VIPR2: variants seen among roughly 807,000 people sequenced by gnomAD.
The protein encoded by VIPR2 is vasoactive intestinal peptide receptor 2.
In VIPR2, 48 loss-of-function variants were observed where a neutral mutation model predicts 58.0. The ratio of observed to expected loss-of-function variants is 0.83; its 90% CI spans 0.66 to 1.05. The LOEUF (loss-of-function observed/expected upper bound fraction) is 1.05. Ranked by LOEUF, VIPR2 falls within the 50% of genes least tolerant of loss-of-function variation. VIPR2 has a pLI of 0.00. For synonymous variants in VIPR2, 243 were observed against 235.2 expected (o/e 1.03, Z -0.30); for missense variants, 534 against 558.0 (o/e 0.96, Z 0.43).
rs953614698 is a variant in VIPR2, at chr7:159,043,292, G to T, written c.456-116C>A. 5.4e-6 allele frequency: 5 copies of T among 931,934 alleles called. No individual in the cohort carries two copies. The Admixed American group carries it at 1.8e-4, about 33-fold the overall frequency. 57.7% of individuals were successfully genotyped at this position (931,934 alleles called of 1,614,324 possible). On this transcript the variant is annotated intron_variant, in intron 5 of 12. Coordinates refer to ENST00000262178, the MANE Select transcript of VIPR2 (RefSeq NM_003382.5). ...ATCAGAGAAGCACAGAAAAATAAAAGAGTTGAGGGCATGAAGCAGATTTCA... is the reference window on the plus strand; with the variant it reads ...ATCAGAGAAGCACAGAAAAATAAAATAGTTGAGGGCATGAAGCAGATTTCA...
intron 2 of VIPR2, among the ~76,000 whole-genome samples, chr7:159,137,478 G>A (rs2129498004): frequency 6.6e-6 from 1 of 152,312 alleles, no homozygotes; most frequent in African/African-American, 2.4e-5. Flanking sequence ...CTGGGCTCAA[G>A]CAATCCTCCT....
intron 4 of VIPR2, among the ~76,000 whole-genome samples, chr7:159,060,573 A>G (rs536012432): frequency 2.0e-5 from 3 of 146,934 alleles, no homozygotes; most frequent in African/African-American, 7.6e-5. Flanking sequence ...CCACCTAACC[A>G]CTTTACTCAC....
rs1853447307 is a variant in VIPR2 at position 159,030,141 on chromosome 7, C to G, written c.*475G>C. On this transcript the variant is annotated 3_prime_UTR_variant, in exon 13 of 13. Coordinates refer to ENST00000262178, the MANE Select transcript of VIPR2 (RefSeq NM_003382.5). ...CGGGCCCATCACGAGGTCAGGAGAT[C>G]GAGACCATCCTGGCTAACATGGTGA... 6.5e-6 allele frequency: 1 copy of G among 153,998 alleles called. No individual in the cohort carries two copies. The highest frequency in any genetic ancestry group is 6.5e-5 in the Admixed American group (1 of 15,322). The allele number at this position is 153,998 out of a possible 1,614,324, so 9.5% of individuals were successfully genotyped here. A position where few individuals can be genotyped will look rare whatever the true frequency, so the allele number is the denominator to read the frequency against.
chr7:159,117,040 A>G (rs1486156067), intron 2 of VIPR2: 13 of 442,034 alleles, frequency 2.9e-5, no homozygotes, highest in Admixed American at 3.8e-5. Flanking sequence ...TGACTTTTAC[A>G]TATACTCCAT....
intron 5 of VIPR2, 98 bp from the exon 6 acceptor site, chr7:159,043,274 A>G: frequency 9.2e-7 from 1 of 1,089,866 alleles, no homozygotes; most frequent in Non-Finnish European, 1.2e-6. Flanking sequence ...ATGATCAGAG[A>G]AGCACAGAAA....
intron 5 of VIPR2, among the ~76,000 whole-genome samples, chr7:159,050,845 C>T (rs934295130): frequency 2.2e-4 from 34 of 152,050 alleles, no homozygotes; most frequent in African/African-American, 7.5e-4. Flanking sequence ...AGTGTAACTG[C>T]TAAAAACTGA....
At chr7:159,132,924 CAGACAGAATGATTGGCATACA>C (rs1797020591) in intron 2 of VIPR2, among the ~76,000 whole-genome samples, 165 of 25,782 alleles carry the variant, frequency 6.4e-3, no homozygotes, top group Middle Eastern at 0.019. Context: ...AGATTGATTT[CAGACAGAATGATTGGCATACA>C]GATTGATTTC....
chr7:159,144,606 C>T, intron 1 of VIPR2, 115 bp downstream of exon 1: 3 of 1,377,008 alleles, frequency 2.2e-6, no homozygotes, highest in Non-Finnish European at 2.8e-6. Context: ...CTCCCGGACC[C>T]CGCCCGCGCT....
At chr7:159,055,524 TG>T (rs1477748635) in intron 5 of VIPR2, among the ~76,000 whole-genome samples, 1 of 152,172 alleles carries the variant, frequency 6.6e-6, no homozygotes, top group African/African-American at 2.4e-5. Flanking sequence ...CAAAGCTGTG[TG>T]GCCACTGCGC....
intron 4 of VIPR2, among the ~76,000 whole-genome samples, chr7:159,087,433 C>T (rs1161138137): frequency 9.2e-6 from 1 of 108,128 alleles, no homozygotes; most frequent in Non-Finnish European, 1.9e-5. Flanking sequence ...TAGTGAGATA[C>T]GGCTTCCCCA....
chr7:159,082,382 G>T (rs113771837), intron 4 of VIPR2, among the ~76,000 whole-genome samples: 1 of 151,936 alleles, frequency 6.6e-6, no homozygotes, highest in African/African-American at 2.4e-5. Flanking sequence ...ACCAAACACC[G>T]CATGTTCTCA....
At chr7:159,112,264 A>C (rs1796043815) in intron 2 of VIPR2, among the ~76,000 whole-genome samples, 1 of 152,202 alleles carries the variant, frequency 6.6e-6, no homozygotes, top group African/African-American at 2.4e-5. Context: ...ACCGCACGTG[A>C]GGGAGCAGAG....
rs1355078186 is a variant in VIPR2, at chr7:159,031,686, G to C, written c.1143+142C>G. The C allele has an allele frequency of 2.6e-6, 4 of 1,512,104 alleles. No individual in the cohort carries two copies. The highest frequency in any genetic ancestry group is 3.5e-6 in the Non-Finnish European group (4 of 1,136,212). The allele number at this position is 1,512,104 out of a possible 1,614,324, so 93.7% of individuals were successfully genotyped here. On this transcript the variant is annotated intron_variant, in intron 12 of 12. Coordinates refer to ENST00000262178, the MANE Select transcript of VIPR2 (RefSeq NM_003382.5). The surrounding 1 kb of genome is among the most constrained non-coding windows in gnomAD (Gnocchi z 4.0). The stretch of plus-strand genomic sequence containing the variant: ...CTGTGTCGTTGTGGGTTCTCTGATG[G>C]GGACACAGAACTGTGGGGTCCCGGG...
intron 6 of VIPR2, among the ~76,000 whole-genome samples, chr7:159,040,118 A>C (rs1854231992): frequency 6.6e-6 from 1 of 152,222 alleles, no homozygotes; most frequent in Admixed American, 6.5e-5. Context: ...AAACAAGCAC[A>C]CTGAGGAAGG....
intron 6 of VIPR2, among the ~76,000 whole-genome samples, chr7:159,037,545 G>A (rs1234790895): frequency 6.6e-6 from 1 of 152,146 alleles, no homozygotes; most frequent in Admixed American, 6.5e-5. Context: ...TGACAACTAT[G>A]TAAGTTCCTC....
intron 4 of VIPR2, among the ~76,000 whole-genome samples, chr7:159,059,623 G>A (rs1855517193): frequency 6.6e-6 from 1 of 152,036 alleles, no homozygotes; most frequent in Admixed American, 6.6e-5. Context: ...GCTTACTTAG[G>A]ACAGCTCAGA....
chr7:159,110,967 A>C (rs1282342840), intron 2 of VIPR2, among the ~76,000 whole-genome samples: 1 of 152,248 alleles, frequency 6.6e-6, no homozygotes, highest in Non-Finnish European at 1.5e-5. Flanking sequence ...TACTTGAATA[A>C]GTACATAAAT....
intron 4 of VIPR2, among the ~76,000 whole-genome samples, chr7:159,085,383 C>T (rs1426794517): frequency 6.6e-6 from 1 of 152,182 alleles, no homozygotes; most frequent in Non-Finnish European, 1.5e-5. Context: ...GCAACCTCTG[C>T]CTCCCGGGTT....
At chr7:159,041,623 C>T (rs995265131) in intron 6 of VIPR2, among the ~76,000 whole-genome samples, 1 of 148,976 alleles carries the variant, frequency 6.7e-6, no homozygotes, top group Non-Finnish European at 1.5e-5. Flanking sequence ...ATCACAGGTC[C>T]GTTGAGGGTC....
Sources: allele counts gnomAD v4.1 joint callset (sites outside exome capture counted in the v4.1 genomes callset), GRCh38; gene constraint gnomAD v4.1.1; non-coding constraint Gnocchi (gnomAD v3.1); transcripts MANE v1.5; gene names NCBI Gene and HGNC (gene_info 2026-07-23, HGNC 2026-07-21).